ROBO2: variants seen among roughly 807,000 people sequenced by gnomAD.
ROBO2 encodes the protein roundabout guidance receptor 2.
ROBO2 carries 53 observed loss-of-function variants against 160.8 expected under a neutral mutation model. That is an observed-to-expected ratio of 0.33 (90% CI 0.26 to 0.41). The LOEUF (loss-of-function observed/expected upper bound fraction) is 0.41. Ranked by LOEUF, ROBO2 falls within the 10% of genes least tolerant of loss-of-function variation. ROBO2 has a pLI of 1.00. For synonymous variants in ROBO2, 664 were observed against 611.7 expected (o/e 1.09, Z -1.26); for missense variants, 1,577 against 1,722.4 (o/e 0.92, Z 1.49).
At chr3:75,965,254 C>A (rs74764795) in intron 2 of ROBO2, among the ~76,000 whole-genome samples, 6 of 151,750 alleles carry the variant, frequency 4.0e-5, no homozygotes, top group African/African-American at 7.2e-5. Flanking sequence ...CTGTTTAAAC[C>A]CAAACATTTC....
chr3:77,221,938 C>T (rs987690627), intron 2 of ROBO2, among the ~76,000 whole-genome samples: 6 of 150,584 alleles, frequency 4.0e-5, no homozygotes, highest in East Asian at 2.0e-4. Context: ...CTACAACCTC[C>T]GCCTCCCAGA....
At chr3:77,218,964 TTTTGTTTGTTG>T (rs2085348359) in intron 2 of ROBO2, among the ~76,000 whole-genome samples, 1 of 152,028 alleles carries the variant, frequency 6.6e-6, no homozygotes, top group African/African-American at 2.4e-5. Context: ...TTTGATCGAT[TTTTGTTTGTTG>T]TTTGTTTGTT....
At chr3:76,692,781 G>A (rs926438726) in intron 2 of ROBO2, among the ~76,000 whole-genome samples, 1 of 151,810 alleles carries the variant, frequency 6.6e-6, no homozygotes, top group Non-Finnish European at 1.5e-5. Flanking sequence ...TCACTTTTGG[G>A]GGTATTTATA....
intron 2 of ROBO2, among the ~76,000 whole-genome samples, chr3:76,474,045 AAAAG>A (rs968255413): frequency 3.3e-5 from 5 of 152,184 alleles, no homozygotes; most frequent in African/African-American, 4.8e-5. Context: ...AGAATGGAAA[AAAAG>A]AAAGGAAGAA....
intron 2 of ROBO2, among the ~76,000 whole-genome samples, chr3:76,977,554 T>C (rs1484045976): frequency 1.3e-5 from 2 of 152,164 alleles, no homozygotes; most frequent in African/African-American, 4.8e-5. Context: ...GGTTGAGTAT[T>C]TAGAAATTTG....
chr3:76,438,926 A>T (rs1031478537), intron 2 of ROBO2, among the ~76,000 whole-genome samples: 3 of 151,878 alleles, frequency 2.0e-5, no homozygotes, highest in Non-Finnish European at 4.4e-5. Flanking sequence ...AAACAAAGGG[A>T]CTCGCAGAGA....
chr3:76,959,737 A>G (rs771884074), intron 2 of ROBO2, among the ~76,000 whole-genome samples: 1 of 152,080 alleles, frequency 6.6e-6, no homozygotes, highest in African/African-American at 2.4e-5. Flanking sequence ...ATCATAAAAA[A>G]CCTTAAGGAA....
chr3:76,530,561 T>C (rs192962822), intron 2 of ROBO2, among the ~76,000 whole-genome samples: 104 of 152,268 alleles, frequency 6.8e-4, no homozygotes, highest in East Asian at 5.0e-3. Context: ...TACGTAGAGA[T>C]TGAACATCCA....
intron 2 of ROBO2, among the ~76,000 whole-genome samples, chr3:76,473,136 C>T (rs2078755756): frequency 6.6e-6 from 1 of 152,152 alleles, no homozygotes; most frequent in Non-Finnish European, 1.5e-5. Context: ...TCCAGACTGA[C>T]TCCCACGGGC....
At chr3:76,775,972 T>C (rs2062224358) in intron 2 of ROBO2, among the ~76,000 whole-genome samples, 1 of 150,900 alleles carries the variant, frequency 6.6e-6, no homozygotes, top group Non-Finnish European at 1.5e-5. Context: ...TCTTCCCTAC[T>C]ATCACAACCC....
At chr3:77,255,458 A>G (rs748710420) in intron 2 of ROBO2, among the ~76,000 whole-genome samples, 1 of 152,216 alleles carries the variant, frequency 6.6e-6, no homozygotes, top group Non-Finnish European at 1.5e-5. Context: ...TGTATATTTC[A>G]GAGACAGGCT....
chr3:76,687,621 A>G (rs2092713502), intron 2 of ROBO2, among the ~76,000 whole-genome samples: 1 of 152,064 alleles, frequency 6.6e-6, no homozygotes, highest in Non-Finnish European at 1.5e-5. Flanking sequence ...ACAGAACAAC[A>G]ATATGTTCAT....
intron 2 of ROBO2, among the ~76,000 whole-genome samples, chr3:76,168,706 T>G (rs1264585170): frequency 6.6e-6 from 1 of 152,092 alleles, no homozygotes; most frequent in Non-Finnish European, 1.5e-5. Flanking sequence ...ACTAAAAACG[T>G]AGTAGTATTA....
chr3:76,618,095 C>G (rs2088744639), intron 2 of ROBO2, among the ~76,000 whole-genome samples: 1 of 151,564 alleles, frequency 6.6e-6, no homozygotes, highest in Admixed American at 6.6e-5. Flanking sequence ...TACTTTGTCT[C>G]CAGTCACAGC....
At chr3:77,273,179 T>G (rs1341466429) in intron 2 of ROBO2, among the ~76,000 whole-genome samples, 3 of 152,110 alleles carry the variant, frequency 2.0e-5, no homozygotes, top group African/African-American at 7.2e-5. Context: ...TGCACAATAT[T>G]TACTTTCCAC....
intron 2 of ROBO2, among the ~76,000 whole-genome samples, chr3:77,272,277 A>C (rs1375367836): frequency 6.6e-6 from 1 of 152,160 alleles, no homozygotes; most frequent in African/African-American, 2.4e-5. Flanking sequence ...TCATAAAGAA[A>C]AGAGGTTTAA....
At chr3:76,563,235 ACT>A (rs1462998959) in intron 2 of ROBO2, among the ~76,000 whole-genome samples, 7 of 152,152 alleles carry the variant, frequency 4.6e-5, no homozygotes, top group Admixed American at 6.5e-5. Context: ...GTCATCAGAC[ACT>A]CTGCACATCA....
intron 2 of ROBO2, among the ~76,000 whole-genome samples, chr3:76,877,952 TTCTC>T (rs1387805546): frequency 6.6e-6 from 1 of 151,968 alleles, no homozygotes; most frequent in African/African-American, 2.4e-5. Context: ...GATTTCATCT[TTCTC>T]TCTTCCTCTT....
chr3:76,234,679 A>G (rs1704831313), intron 2 of ROBO2, among the ~76,000 whole-genome samples: 1 of 152,204 alleles, frequency 6.6e-6, no homozygotes, highest in African/African-American at 2.4e-5. Flanking sequence ...TTTAAACAAA[A>G]AAATACCTTG....
Sources: allele counts gnomAD v4.1 joint callset (sites outside exome capture counted in the v4.1 genomes callset), GRCh38; gene constraint gnomAD v4.1.1; transcripts MANE v1.5; gene names NCBI Gene and HGNC (gene_info 2026-07-23, HGNC 2026-07-21).